Variants in ANKMY2 observed in about 807,000 individuals in gnomAD.
ANKMY2 encodes ankyrin repeat and MYND domain-containing protein 2.
ANKMY2 carries 36 observed loss-of-function variants against 50.4 expected under a neutral mutation model. The observed-to-expected ratio is 0.71, with a 90% CI of 0.55 to 0.94. The LOEUF (loss-of-function observed/expected upper bound fraction) is 0.94, where lower values mean the gene tolerates loss of function less well. Among genes scored for constraint, ANKMY2 ranks in the 40% least tolerant of loss-of-function variants. The pLI, the probability that ANKMY2 is intolerant of heterozygous loss-of-function variation, is 0.00. For missense variants in ANKMY2, 565 were observed against 524.0 expected (o/e 1.08, Z -0.76); for synonymous variants, 187 against 178.8 (o/e 1.05, Z -0.36).
At chr7:16,631,058 G>T (rs1163113037) in intron 2 of ANKMY2, among the ~76,000 whole-genome samples, 1 of 152,144 alleles carries the variant, frequency 6.6e-6, no homozygotes, top group East Asian at 1.9e-4. Context: ...GTTTGTGGAA[G>T]GTTTCTGCAA....
At chr7:16,641,392 G>A (rs1183100541) in intron 1 of ANKMY2, among the ~76,000 whole-genome samples, 1 of 152,200 alleles carries the variant, frequency 6.6e-6, no homozygotes. Context: ...ACAGAGCACT[G>A]TATAAAATTG....
At chr7:16,637,975 AG>A (rs1236579542) in intron 1 of ANKMY2, among the ~76,000 whole-genome samples, 3 of 152,248 alleles carry the variant, frequency 2.0e-5, no homozygotes, top group African/African-American at 7.2e-5. Flanking sequence ...TAATTCTCTA[AG>A]GTGTTTGCCA....
intron 5 of ANKMY2, among the ~76,000 whole-genome samples, chr7:16,615,125 T>C (rs959092799): frequency 6.6e-6 from 1 of 152,206 alleles, no homozygotes; most frequent in Admixed American, 6.5e-5. Flanking sequence ...TTTGATGAAT[T>C]ACTGGAAGAA....
intron 5 of ANKMY2, among the ~76,000 whole-genome samples, chr7:16,613,197 C>A (rs980215645): frequency 1.3e-5 from 2 of 152,152 alleles, no homozygotes; most frequent in African/African-American, 4.8e-5. Context: ...AAAACAAATG[C>A]ATCCTTATTG....
At chr7:16,634,300 G>A (rs759614846) in intron 2 of ANKMY2, among the ~76,000 whole-genome samples, 3 of 152,126 alleles carry the variant, frequency 2.0e-5, no homozygotes, top group South Asian at 4.1e-4. Context: ...AGACACTGTC[G>A]GTTAGGCAAT....
At chr7:16,639,339 T>C (rs770158101) in intron 1 of ANKMY2, among the ~76,000 whole-genome samples, 14 of 152,202 alleles carry the variant, frequency 9.2e-5, no homozygotes, top group Non-Finnish European at 1.8e-4. Flanking sequence ...GGGTGGAAGA[T>C]AGAGTACTAT....
At chr7:16,617,738 G>A (rs1781376600) in intron 4 of ANKMY2, among the ~76,000 whole-genome samples, 1 of 152,088 alleles carries the variant, frequency 6.6e-6, no homozygotes, top group African/African-American at 2.4e-5. Context: ...GGCTGAGGCA[G>A]GAGGATTGCT....
At chr7:16,627,277 T>A in intron 2 of ANKMY2, 99 bp from the exon 3 acceptor site, 1 of 675,068 alleles carries the variant, frequency 1.5e-6, no homozygotes, top group Non-Finnish European at 2.3e-6. Flanking sequence ...GAATATGAAC[T>A]AATTAAAATG....
chr7:16,616,539 G>A (rs1398666325), intron 4 of ANKMY2, among the ~76,000 whole-genome samples: 2 of 150,388 alleles, frequency 1.3e-5, no homozygotes, highest in African/African-American at 4.9e-5. Flanking sequence ...CTTCCCTAGC[G>A]AAGCTGCTGG....
chr7:16,621,783 A>G (rs1429954202), intron 4 of ANKMY2, among the ~76,000 whole-genome samples: 2 of 152,122 alleles, frequency 1.3e-5, no homozygotes, highest in Non-Finnish European at 2.9e-5. Context: ...AGCCTGGCCA[A>G]CATGGCTAAG....
intron 1 of ANKMY2, among the ~76,000 whole-genome samples, chr7:16,637,669 G>A (rs1489367590): frequency 6.6e-6 from 1 of 152,216 alleles, no homozygotes; most frequent in Non-Finnish European, 1.5e-5. Context: ...AGTTCTACAT[G>A]AAACCTTATT....
intron 1 of ANKMY2, among the ~76,000 whole-genome samples, chr7:16,639,599 G>A (rs1781719145): frequency 6.6e-6 from 1 of 152,130 alleles, no homozygotes; most frequent in Non-Finnish European, 1.5e-5. Context: ...ACAACATAGT[G>A]AGACCCCATC....
chr7:16,618,270 G>T (rs1273174236), intron 4 of ANKMY2, among the ~76,000 whole-genome samples: 1 of 152,056 alleles, frequency 6.6e-6, no homozygotes, highest in Non-Finnish European at 1.5e-5. Flanking sequence ...TCAAGCCTGG[G>T]TAACAGACAC....
At chr7:16,640,819 A>G (rs1387738440) in intron 1 of ANKMY2, among the ~76,000 whole-genome samples, 5 of 152,096 alleles carry the variant, frequency 3.3e-5, no homozygotes. Context: ...ATGAGCCACT[A>G]TGTCCAGCTG....
At chr7:16,644,637 C>T in intron 1 of ANKMY2, 1 of 469,986 alleles carries the variant, frequency 2.1e-6, no homozygotes, top group Non-Finnish European at 4.4e-6. Flanking sequence ...CATCACCATC[C>T]CTGCACCGTG....
chr7:16,638,041 A>G (rs1233694800), intron 1 of ANKMY2, among the ~76,000 whole-genome samples: 1 of 152,230 alleles, frequency 6.6e-6, no homozygotes, highest in Admixed American at 6.5e-5. Context: ...TATTTTAAAG[A>G]TGATGCATGT....
chr7:16,643,499 C>T (rs1001713194), intron 1 of ANKMY2, among the ~76,000 whole-genome samples: 6 of 152,164 alleles, frequency 3.9e-5, no homozygotes, highest in African/African-American at 1.2e-4. Flanking sequence ...TTCTCATTGG[C>T]ATGGTCCAAT....
rs755026332 is a variant in ANKMY2, at chr7:16,625,005, T to C, written c.348A>G (p.Ala116=). 6.2e-7 allele frequency: 1 copy of C among 1,613,930 alleles called. No homozygotes were observed. The highest frequency in any genetic ancestry group is 1.3e-5 in the African/African-American group (1 of 74,930). Residue 116 remains alanine, a synonymous_variant, in exon 4 of 10, where the codon GCA becomes GCG. Transcript: ENST00000306999. ...TDVVNSVGRT[A]AQMAAFVGQH... is the part of the protein sequence containing the mutation. ...CACCCACAAAGGCTGCCATCTGAGC[T>C]GCTGTTCTTCCCACAGAGTTGACAA...
chr7:16,602,231 G>T, intron 9 of ANKMY2, 149 bp downstream of exon 9: 1 of 938,104 alleles, frequency 1.1e-6, no homozygotes, highest in Non-Finnish European at 1.6e-6. Context: ...CTTAAAAACG[G>T]GACACATTAA....
Sources: gnomAD v4.1 joint callset for allele counts (sites outside exome capture counted in the v4.1 genomes callset) on GRCh38, gnomAD v4.1.1 for gene constraint, MANE v1.5 for transcripts, NCBI Gene and HGNC (gene_info 2026-07-23, HGNC 2026-07-21) for gene names.